MYOF: variants seen among roughly 807,000 people sequenced by gnomAD.
MYOF encodes the protein fer-1-like 3, myoferlin.
A neutral mutation model predicts 284.2 loss-of-function variants in MYOF; 244 were observed. That is an observed-to-expected ratio of 0.86 (90% CI 0.77 to 0.95). MYOF has a LOEUF of 0.95. Ranked by LOEUF, MYOF falls within the 40% of genes least tolerant of loss-of-function variation. MYOF has a pLI of 0.00. For missense variants in MYOF, 2,496 were observed against 2,560.6 expected (o/e 0.97, Z 0.54); for synonymous variants, 904 against 919.7 (o/e 0.98, Z 0.31).
chr10:93,337,666 C>T, intron 40 of MYOF, 149 bp downstream of exon 40: 1 of 623,436 alleles, frequency 1.6e-6, no homozygotes, highest in South Asian at 2.3e-5. Flanking sequence ...GAAACTCATG[C>T]AAGAGGGCTC....
chr10:93,369,198 A>C (rs1181680270), intron 25 of MYOF, among the ~76,000 whole-genome samples: 1 of 135,026 alleles, frequency 7.4e-6, no homozygotes, highest in Non-Finnish European at 1.5e-5. Flanking sequence ...GTTTTAAGAC[A>C]CTCTACCCCA....
intron 24 of MYOF, among the ~76,000 whole-genome samples, chr10:93,370,150 T>C (rs1845518984): frequency 6.6e-6 from 1 of 152,148 alleles, no homozygotes; most frequent in African/African-American, 2.4e-5. Flanking sequence ...CAAGGCCGGA[T>C]TGCCAAACTG....
intron 3 of MYOF, among the ~76,000 whole-genome samples, chr10:93,437,085 T>G (rs1849157792): frequency 1.3e-5 from 2 of 152,190 alleles, no homozygotes; most frequent in South Asian, 4.1e-4. Flanking sequence ...TGCTCCTTTG[T>G]CTTTCAGCCC....
intron 36 of MYOF, among the ~76,000 whole-genome samples, chr10:93,348,765 T>C (rs548433059): frequency 9.2e-5 from 14 of 152,264 alleles, no homozygotes; most frequent in African/African-American, 3.1e-4. Flanking sequence ...GTAAATCTGT[T>C]ACCTCTTGCT....
At chr10:93,331,699 G>A (rs956677025) in intron 43 of MYOF, among the ~76,000 whole-genome samples, 4 of 147,796 alleles carry the variant, frequency 2.7e-5, no homozygotes, top group Non-Finnish European at 6.1e-5. Flanking sequence ...CAGCATGCGG[G>A]GGGCGTAGGG....
chr10:93,333,895 G>T lies in MYOF; in HGVS notation c.4582C>A (p.Pro1528Thr). ...GEFKGSFRIYPLPDDPSVPAP... is the reference protein window; with the variant it reads ...GEFKGSFRIYTLPDDPSVPAP... ...GGCACGCTGGGGTCATCCGGCAGAG[G>T]GTAGATCCGAAAGGAGCCCTAAAAG... Residue 1528 changes from proline to threonine, a missense_variant, in exon 42 of 54, where the codon CCT becomes ACT. Pro to Thr is a conservative substitution (Grantham distance 38). Around this residue, in one of 3 missense-constraint regions of MYOF, gnomAD observed 2,436 missense variants for 2,480.7 expected, o/e 0.98. Coordinates refer to ENST00000359263, the MANE Select transcript of MYOF (RefSeq NM_013451.4). 1 of 1,613,948 alleles carries T rather than the reference G, an allele frequency of 6.2e-7. No individual in the cohort carries two copies. Among genetic ancestry groups the T allele is most frequent in the African/African-American group, 1.3e-5 (1 of 74,990 alleles).
intron 12 of MYOF, 105 bp from the exon 13 acceptor site, chr10:93,399,600 G>T: frequency 4.1e-6 from 3 of 730,654 alleles, no homozygotes; most frequent in South Asian, 3.6e-5. Context: ...CAGGCTAGGC[G>T]CAGTGGCTCA....
rs1474408123 is a variant in MYOF, at chr10:93,337,817, T to C, written c.4435A>G (p.Lys1479Glu). 2 of 1,607,612 alleles carry C rather than the reference T, an allele frequency of 1.2e-6. No homozygotes were observed. The highest frequency in any genetic ancestry group is 1.7e-6 in the Non-Finnish European group (2 of 1,174,202). The change falls in exon 40 of 54, where the codon AAG becomes GAG. Residue 1479 changes from lysine to glutamate, a missense_variant and splice_region_variant. By Grantham distance (56) the Lys-to-Glu change is moderately conservative. Transcript: ENST00000359263. ...QYIQKGYSKL[K>E]IYNCELENVA... ...CATAGCAGCATAGATCCAGGTACCTTGAGCTTGGAATAGCCTTTCTGAATA... is the reference window on the plus strand; with the variant it reads ...CATAGCAGCATAGATCCAGGTACCTCGAGCTTGGAATAGCCTTTCTGAATA...
At chr10:93,408,958 C>G in intron 6 of MYOF, 43 bp from the exon 7 acceptor site, 1 of 1,611,444 alleles carries the variant, frequency 6.2e-7, no homozygotes, top group Non-Finnish European at 8.5e-7. Flanking sequence ...TTTCCCAGCA[C>G]GTGGGATCCT....
chr10:93,323,247 G>A, intron 47 of MYOF, 23 bp downstream of exon 47: 2 of 1,613,880 alleles, frequency 1.2e-6, no homozygotes, highest in Admixed American at 3.3e-5. Context: ...GTATGTATCA[G>A]GGTCTCAGGA....
chr10:93,392,063 G>A (rs1846718856), intron 17 of MYOF, among the ~76,000 whole-genome samples: 2 of 152,010 alleles, frequency 1.3e-5, no homozygotes, highest in Admixed American at 1.3e-4. Context: ...GGAATAAAGT[G>A]CTTGCACATC....
intron 7 of MYOF, among the ~76,000 whole-genome samples, chr10:93,405,502 C>T (rs988258829): frequency 2.0e-5 from 3 of 152,282 alleles, no homozygotes; most frequent in Admixed American, 1.3e-4. Flanking sequence ...CTATGTTGCT[C>T]GGGCTGGTCT....
intron 4 of MYOF, 84 bp downstream of exon 4, chr10:93,431,324 C>A (rs1053237586): frequency 8.5e-7 from 1 of 1,180,052 alleles, no homozygotes; most frequent in East Asian, 2.5e-5. Flanking sequence ...TGAGCCACCA[C>A]GCCCGGCCTT....
chr10:93,445,732 T>A (rs2056410921), intron 3 of MYOF, among the ~76,000 whole-genome samples: 1 of 152,202 alleles, frequency 6.6e-6, no homozygotes, highest in Non-Finnish European at 1.5e-5. Flanking sequence ...AGCTGGGAAC[T>A]GTTTGCTAAT....
At chr10:93,353,780 A>C (rs1844644816) in intron 32 of MYOF, 31 bp downstream of exon 32, 2 of 1,530,422 alleles carry the variant, frequency 1.3e-6, no homozygotes, top group Admixed American at 3.6e-5. Context: ...CTATGTAATC[A>C]TGTGTAGCAT....
intron 33 of MYOF, 28 bp downstream of exon 33, chr10:93,351,637 G>A: frequency 6.3e-7 from 1 of 1,594,484 alleles, no homozygotes; most frequent in Non-Finnish European, 8.5e-7. Context: ...TCATCCCCAA[G>A]TTATCTTAGA....
chr10:93,377,064 A>G (rs1337055269), intron 22 of MYOF, among the ~76,000 whole-genome samples: 1 of 151,874 alleles, frequency 6.6e-6, no homozygotes, highest in Non-Finnish European at 1.5e-5. Flanking sequence ...CCCTTGCCTG[A>G]GGCTGCCTGG....
At chr10:93,344,610 G>A (rs1045577306) in intron 37 of MYOF, among the ~76,000 whole-genome samples, 1 of 151,718 alleles carries the variant, frequency 6.6e-6, no homozygotes, top group Non-Finnish European at 1.5e-5. Flanking sequence ...AGAGGCCAGG[G>A]GAAGGAGAAA....
At chr10:93,307,592 G>A (rs372453540) in intron 53 of MYOF, among the ~76,000 whole-genome samples, 3 of 150,206 alleles carry the variant, frequency 2.0e-5, no homozygotes, top group South Asian at 2.1e-4. Flanking sequence ...GAGCCACCAC[G>A]CCCTGCAGTA....
Sources: gnomAD v4.1 joint callset for allele counts (sites outside exome capture counted in the v4.1 genomes callset) on GRCh38, gnomAD v4.1.1 for gene constraint, gnomAD v4.1.1 regional missense constraint, MANE v1.5 for transcripts, NCBI Gene and HGNC (gene_info 2026-07-23, HGNC 2026-07-21) for gene names.